FBN1: variants seen among roughly 807,000 people sequenced by gnomAD.
FBN1 encodes the protein fibrillin-1.
FBN1 carries 29 observed loss-of-function variants against 365.1 expected under a neutral mutation model. That is an observed-to-expected ratio of 0.08 (90% confidence interval 0.06 to 0.11). The LOEUF (loss-of-function observed/expected upper bound fraction) is 0.11, where lower values mean the gene tolerates loss of function less well. Among genes scored for constraint, FBN1 ranks in the 10% least tolerant of loss-of-function variants. The probability of loss-of-function intolerance (pLI) is 1.00; values close to 1 mark genes in which losing one functional copy is unlikely to be tolerated. For synonymous variants in FBN1, 1,210 were observed against 1,270.5 expected (o/e 0.95, Z 1.01); for missense variants, 2,476 against 3,703.2 (o/e 0.67, Z 8.60).
chr15:48,637,934 C>A (rs1890123633), intron 2 of FBN1, among the ~76,000 whole-genome samples: 1 of 152,146 alleles, frequency 6.6e-6, no homozygotes, highest in Non-Finnish European at 1.5e-5. Flanking sequence ...AGGGAGAAAG[C>A]AGCCATACAT....
At position 48,489,868 on chromosome 15, in the gene FBN1, C is replaced by A; in HGVS notation, c.3065G>T (p.Gly1022Val). 1 of 1,614,096 alleles carries A rather than the reference C, an allele frequency of 6.2e-7. No individual in the cohort carries two copies. The highest frequency in any genetic ancestry group is 8.5e-7 in the Non-Finnish European group (1 of 1,179,990). The change falls in exon 25 of 66, where the codon GGA becomes GTA. Residue 1022 changes from glycine (G) to valine (V), a missense_variant. This residue lies in a region of FBN1 where 1,780 missense variants were observed against 2,840.8 expected (regional missense o/e 0.63). Coordinates refer to ENST00000316623, the MANE Select transcript of FBN1 (RefSeq NM_000138.5). ...CATTGTACCTTTGAAGAAAGGCTTT[C>A]CATTTGTAATTTCTTTTGTGGCAAA... is the stretch of plus-strand genomic sequence containing the variant. The part of the protein sequence containing the change: ...PGFATKEITN[G>V]KPFFKDINEC...
intron 34 of FBN1, among the ~76,000 whole-genome samples, chr15:48,473,018 G>A (rs1387074488): frequency 1.3e-5 from 2 of 152,190 alleles, no homozygotes; most frequent in African/African-American, 4.8e-5. Context: ...TTCAGGCTTA[G>A]CTTAGATGGG....
intron 56 of FBN1, among the ~76,000 whole-genome samples, chr15:48,428,920 C>A (rs1450678997): frequency 2.6e-5 from 4 of 152,194 alleles, no homozygotes; most frequent in African/African-American, 9.6e-5. Context: ...AGACACCAAA[C>A]TCCCCTCCTG....
intron 6 of FBN1, among the ~76,000 whole-genome samples, chr15:48,556,216 C>T (rs1458520448): frequency 6.6e-6 from 1 of 152,120 alleles, no homozygotes. Flanking sequence ...CTGTCTATAC[C>T]ACTGGAATCC....
chr15:48,452,641 G>A lies in FBN1; in HGVS notation c.5466C>T (p.Ala1822=), dbSNP rs947248042. ...CQNGPVCQRN[A]ECINTAGSYR... is the part of the protein sequence containing the mutation. ...AGCTGCCTGCAGTGTTGATGCATTC[G>A]GCGTTGCGCTGGCACACTGGGCCGT... The change falls in exon 45 of 66, where the codon GCC becomes GCT. Residue 1822 remains alanine, a synonymous_variant. Coordinates refer to ENST00000316623, the MANE Select transcript of FBN1 (RefSeq NM_000138.5). 1.2e-5 allele frequency: 20 copies of A among 1,614,012 alleles called. No homozygotes were observed. Among genetic ancestry groups the A allele is most frequent in the African/African-American group, 2.7e-5 (2 of 74,916 alleles).
intron 2 of FBN1, among the ~76,000 whole-genome samples, chr15:48,627,583 G>A (rs1385012496): frequency 1.3e-5 from 2 of 152,148 alleles, no homozygotes; most frequent in African/African-American, 4.8e-5. Context: ...TGTCTGACCC[G>A]GCTTAGGAAG....
intron 6 of FBN1, among the ~76,000 whole-genome samples, chr15:48,543,242 G>A (rs2044071699): frequency 6.6e-6 from 1 of 152,108 alleles, no homozygotes; most frequent in Non-Finnish European, 1.5e-5. Context: ...AAAGCACACT[G>A]ATATACATGA....
At position 48,489,981 on chromosome 15, in the gene FBN1, G is replaced by T. The variant is rs374670384; in HGVS notation, c.2952C>A (p.Val984=). The change falls in exon 25 of 66, where the codon GTC becomes GTA. Residue 984 remains valine (V), a synonymous_variant. Coordinates refer to ENST00000316623, the MANE Select transcript of FBN1 (RefSeq NM_000138.5). ...RHRMDACCCS[V]GAAWGTEECE... ...ATTCCTCAGTACCCCAGGCTGCCCC[G>T]ACGGAGCAGCAGCAGGCGTCCATGC... is the stretch of plus-strand genomic sequence containing the variant. 81 of 1,613,936 alleles carry T rather than the reference G, an allele frequency of 5.0e-5. No individual in the cohort carries two copies. The highest frequency in any genetic ancestry group is 6.4e-5 in the Non-Finnish European group (76 of 1,180,022).
At chr15:48,462,208 A>G (rs1030757300) in intron 42 of FBN1, among the ~76,000 whole-genome samples, 3 of 152,196 alleles carry the variant, frequency 2.0e-5, no homozygotes, top group South Asian at 2.1e-4. Flanking sequence ...ACCCTAATCA[A>G]TTCCTTGCAT....
chr15:48,534,008 A>C, intron 8 of FBN1, 72 bp downstream of exon 8: 1 of 1,598,816 alleles, frequency 6.3e-7, no homozygotes. Context: ...ATTTGCAAAC[A>C]AGCTTGTTTC....
chr15:48,631,020 G>C (rs1309910997), intron 2 of FBN1, among the ~76,000 whole-genome samples: 1 of 152,172 alleles, frequency 6.6e-6, no homozygotes, highest in Non-Finnish European at 1.5e-5. Context: ...CAGTTAACCA[G>C]AGCTGGCATG....
At chr15:48,515,204 G>T (rs1243278564) in intron 12 of FBN1, among the ~76,000 whole-genome samples, 183 bp downstream of exon 12, 1 of 152,212 alleles carries the variant, frequency 6.6e-6, no homozygotes, top group Non-Finnish European at 1.5e-5. Flanking sequence ...CCAACACCTG[G>T]ATGTTAGCCC....
chr15:48,644,437 C>T, intron 2 of FBN1, 169 bp downstream of exon 2: 1 of 856,470 alleles, frequency 1.2e-6, no homozygotes, highest in Non-Finnish European at 1.9e-6. Context: ...GGAGTAGGGG[C>T]AAGGTAGTTT....
chr15:48,479,779 A>G (rs2043452788), intron 32 of FBN1, among the ~76,000 whole-genome samples: 1 of 152,216 alleles, frequency 6.6e-6, no homozygotes, highest in Admixed American at 6.5e-5. Context: ...ACGAAAAACA[A>G]GCCTTTCAAT....
At chr15:48,637,615 A>G (rs1890117281) in intron 2 of FBN1, among the ~76,000 whole-genome samples, 1 of 152,118 alleles carries the variant, frequency 6.6e-6, no homozygotes, top group Non-Finnish European at 1.5e-5. Context: ...TCTCAGCTAT[A>G]CTTACTCCAA....
At chr15:48,466,780 C>T (rs1424654965) in intron 38 of FBN1, among the ~76,000 whole-genome samples, 6 of 152,244 alleles carry the variant, frequency 3.9e-5, no homozygotes, top group South Asian at 2.1e-4. Flanking sequence ...TTGCCCCCTT[C>T]GACACCAATG....
intron 25 of FBN1, among the ~76,000 whole-genome samples, chr15:48,489,259 G>A (rs2043535785): frequency 7.1e-6 from 1 of 140,468 alleles, no homozygotes; most frequent in African/African-American, 2.7e-5. Context: ...ATGTTGCCCA[G>A]GCTGGTCTTG....
intron 38 of FBN1, among the ~76,000 whole-genome samples, chr15:48,467,121 C>A (rs58164160): frequency 0.019 from 2,845 of 152,282 alleles, 108 homozygotes; most frequent in African/African-American, 0.066. Context: ...TTTGTACCAA[C>A]ACAGCACTGT....
At chr15:48,564,815 G>C (rs1047359482) in intron 6 of FBN1, among the ~76,000 whole-genome samples, 9 of 152,172 alleles carry the variant, frequency 5.9e-5, no homozygotes, top group African/African-American at 2.2e-4. Context: ...CTGCAGAAAT[G>C]GGGGAGGTAT....
Sources: allele counts gnomAD v4.1 joint callset (sites outside exome capture counted in the v4.1 genomes callset), GRCh38; gene constraint gnomAD v4.1.1; regional missense constraint gnomAD v4.1.1; transcripts MANE v1.5; gene names NCBI Gene and HGNC (gene_info 2026-07-23, HGNC 2026-07-21).